ADIPOR2: variants seen among roughly 807,000 people sequenced by gnomAD.
ADIPOR2 encodes the protein adiponectin receptor 2.
A neutral mutation model predicts 40.9 loss-of-function variants in ADIPOR2; 18 were observed. That is an observed-to-expected ratio of 0.44 (90% confidence interval 0.30 to 0.65). The LOEUF (loss-of-function observed/expected upper bound fraction) is 0.65. Among genes scored for constraint, ADIPOR2 ranks in the 30% least tolerant of loss-of-function variants. The probability of loss-of-function intolerance (pLI) is 0.09; values close to 1 mark genes in which losing one functional copy is unlikely to be tolerated. For missense variants in ADIPOR2, 283 were observed against 479.2 expected, an observed-to-expected ratio of 0.59 and a Z score of 3.82; for synonymous variants, 165 against 166.4, an observed-to-expected ratio of 0.99 and a Z score of 0.06.
At chr12:1,773,535 T>TTG (rs1491561393) in intron 3 of ADIPOR2, among the ~76,000 whole-genome samples, 21 of 119,520 alleles carry the variant, frequency 1.8e-4, no homozygotes, top group African/African-American at 6.2e-4. Context: ...TTTTTTTTTT[T>TTG]CTAAAATAGT....
chr12:1,728,279 A>AT (rs1370010997), intron 1 of ADIPOR2, among the ~76,000 whole-genome samples: 2 of 151,466 alleles, frequency 1.3e-5, no homozygotes, highest in African/African-American at 4.8e-5. Flanking sequence ...CGCCCGGCTA[A>AT]TTTTTGTATT....
chr12:1,719,760 C>T (rs561393224), intron 1 of ADIPOR2, among the ~76,000 whole-genome samples: 11 of 151,946 alleles, frequency 7.2e-5, no homozygotes, highest in Middle Eastern at 3.4e-3. Context: ...CTGCAACCTC[C>T]GCCTCCTGGG....
chr12:1,776,478 T>A (rs1169455179), intron 3 of ADIPOR2, among the ~76,000 whole-genome samples: 1 of 152,230 alleles, frequency 6.6e-6, no homozygotes, highest in Non-Finnish European at 1.5e-5. Context: ...CCACATTAGC[T>A]GGAAGATAAA....
intron 2 of ADIPOR2, among the ~76,000 whole-genome samples, chr12:1,765,447 A>T (rs895675366): frequency 4.6e-5 from 7 of 152,156 alleles, no homozygotes; most frequent in Non-Finnish European, 1.0e-4. Context: ...CTAGATTTCC[A>T]CTTAATAAAA....
chr12:1,707,893 T>A (rs554189409), intron 1 of ADIPOR2, among the ~76,000 whole-genome samples: 12 of 152,326 alleles, frequency 7.9e-5, no homozygotes, highest in Admixed American at 2.6e-4. Context: ...AAAAAGCTTT[T>A]AAAAATTACT....
At chr12:1,710,703 G>A (rs188305951) in intron 1 of ADIPOR2, among the ~76,000 whole-genome samples, 16 of 152,164 alleles carry the variant, frequency 1.1e-4, no homozygotes, top group Admixed American at 2.6e-4. Flanking sequence ...AGAGGGGAAA[G>A]CCATTCAGCT....
At chr12:1,777,530 G>A (rs974316135) in intron 3 of ADIPOR2, among the ~76,000 whole-genome samples, 1 of 151,746 alleles carries the variant, frequency 6.6e-6, no homozygotes, top group South Asian at 2.1e-4. Context: ...GGGATTACAG[G>A]CATGTGCCAC....
chr12:1,720,041 A>G (rs192900967), intron 1 of ADIPOR2, among the ~76,000 whole-genome samples: 5 of 152,296 alleles, frequency 3.3e-5, no homozygotes, highest in African/African-American at 9.6e-5. Flanking sequence ...AGGCCTCCCC[A>G]TCTTAAGAAG....
At chr12:1,704,181 T>C (rs750085534) in intron 1 of ADIPOR2, among the ~76,000 whole-genome samples, 11 of 152,056 alleles carry the variant, frequency 7.2e-5, no homozygotes, top group Non-Finnish European at 1.3e-4. Flanking sequence ...TTAATAATTT[T>C]TAAAAGCAGC....
chr12:1,706,071 CAG>C (rs1182463332), intron 1 of ADIPOR2, among the ~76,000 whole-genome samples: 1 of 152,172 alleles, frequency 6.6e-6, no homozygotes, highest in African/African-American at 2.4e-5. Context: ...CCTTCTCCTA[CAG>C]AGAGATAACA....
chr12:1,744,560 C>G (rs966072216), intron 1 of ADIPOR2, among the ~76,000 whole-genome samples: 2 of 151,500 alleles, frequency 1.3e-5, no homozygotes, highest in African/African-American at 4.9e-5. Context: ...TGATCTTGAA[C>G]TCCTGACCTC....
intron 1 of ADIPOR2, among the ~76,000 whole-genome samples, chr12:1,694,677 C>A (rs554339839): frequency 6.6e-6 from 1 of 152,160 alleles, no homozygotes; most frequent in African/African-American, 2.4e-5. Flanking sequence ...CCTTCTCATG[C>A]GCTAGTTTCC....
intron 2 of ADIPOR2, among the ~76,000 whole-genome samples, chr12:1,765,126 C>G (rs1009650209): frequency 3.9e-5 from 6 of 152,194 alleles, no homozygotes; most frequent in African/African-American, 1.4e-4. Context: ...ACAGACCTCA[C>G]TACATGATAC....
intron 1 of ADIPOR2, among the ~76,000 whole-genome samples, chr12:1,753,916 C>A (rs913508995): frequency 1.3e-5 from 2 of 152,070 alleles, no homozygotes; most frequent in African/African-American, 4.8e-5. Flanking sequence ...AGTAAGTATT[C>A]TTCTCACTTC....
chr12:1,754,699 TTACTACTACTACTAC>T (rs59598626), intron 2 of ADIPOR2, among the ~76,000 whole-genome samples, 185 bp downstream of exon 2: 4,885 of 103,566 alleles, frequency 0.047, 204 homozygotes, highest in East Asian at 0.12. Context: ...ATTATTATTA[TTACTACTACTACTAC>T]TACTACTACT....
intron 1 of ADIPOR2, among the ~76,000 whole-genome samples, chr12:1,711,065 T>C (rs2094675778): frequency 6.6e-6 from 1 of 152,160 alleles, no homozygotes; most frequent in South Asian, 2.1e-4. Context: ...TGGCGTCTCA[T>C]ACTATCCCTC....
intron 1 of ADIPOR2, among the ~76,000 whole-genome samples, chr12:1,746,281 A>T (rs1349685036): frequency 6.6e-6 from 1 of 152,180 alleles, no homozygotes; most frequent in Non-Finnish European, 1.5e-5. Flanking sequence ...GCACTTTGAG[A>T]GGCTGAGGTG....
intron 1 of ADIPOR2, among the ~76,000 whole-genome samples, chr12:1,712,301 C>G (rs2094679061): frequency 6.6e-6 from 1 of 152,116 alleles, no homozygotes; most frequent in Non-Finnish European, 1.5e-5. Flanking sequence ...AAGCATCGGT[C>G]CCTCAAGGAG....
At chr12:1,770,251 C>G (rs751683197) in intron 2 of ADIPOR2, among the ~76,000 whole-genome samples, 4 of 152,172 alleles carry the variant, frequency 2.6e-5, no homozygotes, top group Non-Finnish European at 5.9e-5. Flanking sequence ...AGTAATCTCA[C>G]TGATTACTTA....
Sources: allele counts gnomAD v4.1 joint callset (sites outside exome capture counted in the v4.1 genomes callset), GRCh38; gene constraint gnomAD v4.1.1; transcripts MANE v1.5; gene names NCBI Gene and HGNC (gene_info 2026-07-23, HGNC 2026-07-21).